Variants in RHBDD1 observed in about 807,000 individuals in gnomAD.
The protein encoded by RHBDD1 is rhomboid domain containing 1, also known as rhomboid-related protein 4.
Under a neutral mutation model 36.3 loss-of-function variants are expected in RHBDD1, and 38 were observed. The observed-to-expected ratio is 1.05, with a 90% CI of 0.81 to 1.37. The LOEUF is 1.37. Among genes scored for constraint, RHBDD1 ranks in the 40% most tolerant of loss-of-function variants. RHBDD1 has a pLI of 0.00. For synonymous variants in RHBDD1, 151 were observed against 136.5 expected (o/e 1.11, Z -0.74); for missense variants, 393 against 377.6 (o/e 1.04, Z -0.34).
intron 5 of RHBDD1, 25 bp from the exon 6 acceptor site, chr2:226,906,768 C>T: frequency 1.2e-6 from 2 of 1,613,932 alleles, no homozygotes; most frequent in Non-Finnish European, 1.7e-6. Flanking sequence ...AACAAACACT[C>T]ACAAAGGGTC....
chr2:226,829,261 C>T, the RHBDD1 span, among the ~76,000 whole-genome samples: 27 of 152,282 alleles, frequency 1.8e-4, no homozygotes, highest in African/African-American at 5.8e-4. Context: ...CACACTGTCA[C>T]GATTACTATA....
chr2:226,888,070 C>T (rs149142277), intron 5 of RHBDD1, among the ~76,000 whole-genome samples: 175 of 152,260 alleles, frequency 1.1e-3, no homozygotes, highest in Non-Finnish European at 2.2e-3. Flanking sequence ...GCTGCTGAAT[C>T]GGAAGTGAGG....
At chr2:226,867,083 T>G (rs533035105) in intron 4 of RHBDD1, 103 bp from the exon 5 acceptor site, 1 of 1,168,842 alleles carries the variant, frequency 8.6e-7, no homozygotes, top group African/African-American at 1.5e-5. Context: ...CAAAGTTGGA[T>G]GTAATCGAAT....
chr2:226,842,625 A>G (rs1308528499), intron 3 of RHBDD1, among the ~76,000 whole-genome samples: 2 of 151,988 alleles, frequency 1.3e-5, no homozygotes, highest in East Asian at 3.9e-4. Flanking sequence ...TGAGTTCTCT[A>G]TTTTGTTCCA....
Position 226,998,851 on chromosome 2 carries a change from A to C in RHBDD1, c.*3329A>C, listed in dbSNP as rs1225867389. 6.6e-6 allele frequency: 1 copy of C among 152,148 alleles called. No individual in the cohort carries two copies. Among genetic ancestry groups the C allele is most frequent in the African/African-American group, 2.4e-5 (1 of 41,422 alleles). 9.4% of individuals were successfully genotyped at this position (152,148 alleles called of 1,614,324 possible). ...CAACCAGCCTTTGGACCTCAGCCCCATTTATCCATCACAGAGGCTGGTAAC... is the reference window on the plus strand; with the variant it reads ...CAACCAGCCTTTGGACCTCAGCCCCCTTTATCCATCACAGAGGCTGGTAAC... On this transcript the variant is annotated 3_prime_UTR_variant, in exon 9 of 9. Transcript: ENST00000392062.
intron 8 of RHBDD1, among the ~76,000 whole-genome samples, chr2:226,950,236 C>T (rs1056427322): frequency 6.6e-6 from 1 of 152,196 alleles, no homozygotes; most frequent in Non-Finnish European, 1.5e-5. Context: ...CTTCTGCTCT[C>T]TGCTTCTGTG....
chr2:226,899,165 A>T (rs1240962181), intron 5 of RHBDD1, among the ~76,000 whole-genome samples: 2 of 152,222 alleles, frequency 1.3e-5, no homozygotes, highest in Non-Finnish European at 2.9e-5. Flanking sequence ...CACTTAACTC[A>T]GCGTTACAAT....
intron 5 of RHBDD1, among the ~76,000 whole-genome samples, chr2:226,897,645 G>C (rs1486639297): frequency 6.6e-6 from 1 of 152,258 alleles, no homozygotes; most frequent in Non-Finnish European, 1.5e-5. Context: ...GAGAGAGGAA[G>C]AAGTAAGACA....
intron 8 of RHBDD1, among the ~76,000 whole-genome samples, chr2:226,971,960 A>C (rs953495163): frequency 6.6e-6 from 1 of 151,438 alleles, no homozygotes; most frequent in Non-Finnish European, 1.5e-5. Context: ...TGTGCAGAAC[A>C]TGTAGGTTTG....
At position 226,865,140 on chromosome 2, in the gene RHBDD1, A is replaced by G. The variant is rs1007955389; in HGVS notation, c.433+14A>G. 3 of 1,585,498 alleles carry G rather than the reference A, an allele frequency of 1.9e-6. No homozygotes were observed. In the African/African-American group the frequency reaches 4.1e-5, roughly 22 times the overall value. On this transcript the variant is annotated intron_variant, in intron 4 of 8. Coordinates refer to ENST00000392062, the MANE Select transcript of RHBDD1 (RefSeq NM_001167608.3). Reference sequence around the variant, plus strand: ...TAGGTTTCTCAGGTAAGGGAGACAAAATTTTGAGGTTGCATGCATAAAGGA... The same window carrying G: ...TAGGTTTCTCAGGTAAGGGAGACAAGATTTTGAGGTTGCATGCATAAAGGA...
chr2:226,820,780 C>G, the RHBDD1 span, among the ~76,000 whole-genome samples: 1,149 of 151,562 alleles, frequency 7.6e-3, 6 homozygotes, highest in Non-Finnish European at 0.014. Flanking sequence ...GCCTGAGAGA[C>G]AGAACAAGAC....
At chr2:226,857,428 C>CT (rs1430572293) in intron 3 of RHBDD1, among the ~76,000 whole-genome samples, 1 of 152,100 alleles carries the variant, frequency 6.6e-6, no homozygotes, top group African/African-American at 2.4e-5. Context: ...AGCAATTTCA[C>CT]TCTTATGTAT....
At chr2:226,846,825 A>G (rs1361114096) in intron 3 of RHBDD1, among the ~76,000 whole-genome samples, 1 of 152,188 alleles carries the variant, frequency 6.6e-6, no homozygotes, top group Non-Finnish European at 1.5e-5. Context: ...AATGAATGAC[A>G]ATCAGCCATT....
Position 226,839,553 on chromosome 2 carries a change from C to T in RHBDD1, c.-165C>T, listed in dbSNP as rs191066783. On this transcript the variant is annotated 5_prime_UTR_variant, in exon 3 of 9. The change creates a new upstream start codon in the 5' untranslated region. Transcript: ENST00000392062. ...GAACCTCGGATTCCGGGGAGCTGGA[C>T]GTGAAACTCTGTGGTGGAATAGAAA... 25 of 151,952 alleles carry T rather than the reference C, an allele frequency of 1.6e-4. No homozygotes were observed. Among genetic ancestry groups the T allele is most frequent in the African/African-American group, 5.3e-4 (22 of 41,302 alleles). 9.4% of individuals were successfully genotyped at this position (151,952 alleles called of 1,614,324 possible).
upstream of RHBDD1, among the ~76,000 whole-genome samples, chr2:226,832,216 T>C (rs1269047075): frequency 6.6e-6 from 1 of 152,212 alleles, no homozygotes; most frequent in Non-Finnish European, 1.5e-5. Context: ...CATTTCAAAA[T>C]ACTTTCTAAT....
At position 226,867,287 on chromosome 2, in the gene RHBDD1, G is replaced by T; in HGVS notation, c.535G>T (p.Glu179Ter). 6.2e-7 allele frequency: 1 copy of T among 1,613,478 alleles called. No individual in the cohort carries two copies. Among genetic ancestry groups the T allele is most frequent in the East Asian group, 2.2e-5 (1 of 44,834 alleles). ...PVPNRFACWV[E>*]LVAIHLFSPG... ...ACCGAACAGATTTGCTTGTTGGGTCGAACTTGTGGCTATTCATTTATTCTC... is the reference window on the plus strand; with the variant it reads ...ACCGAACAGATTTGCTTGTTGGGTCTAACTTGTGGCTATTCATTTATTCTC... Residue 179 changes from glutamate to a stop codon, truncating the protein, a stop_gained, in exon 5 of 9, where the codon GAA becomes TAA. Coordinates refer to ENST00000392062, the MANE Select transcript of RHBDD1 (RefSeq NM_001167608.3). LOFTEE classifies it high-confidence loss of function.
chr2:226,922,381 G>T (rs1439795213), intron 8 of RHBDD1, among the ~76,000 whole-genome samples: 2 of 151,410 alleles, frequency 1.3e-5, no homozygotes, highest in African/African-American at 2.4e-5. Context: ...CTAATTTTTT[G>T]TATTTTTAGT....
At chr2:226,827,153 C>T in the RHBDD1 span, among the ~76,000 whole-genome samples, 1 of 151,890 alleles carries the variant, frequency 6.6e-6, no homozygotes, top group Non-Finnish European at 1.5e-5. Context: ...TTTGTAGAGA[C>T]AGGGTTTTGC....
chr2:226,882,700 G>A (rs913569360), intron 5 of RHBDD1, among the ~76,000 whole-genome samples: 6 of 151,792 alleles, frequency 4.0e-5, no homozygotes, highest in African/African-American at 7.3e-5. Context: ...ATCCCAGAAC[G>A]CCATCTGGCA....
Sources: gnomAD v4.1 joint callset for allele counts (sites outside exome capture counted in the v4.1 genomes callset) on GRCh38, gnomAD v4.1.1 for gene constraint, MANE v1.5 for transcripts, NCBI Gene and HGNC (gene_info 2026-07-23, HGNC 2026-07-21) for gene names.